The following SSUH2 variants were observed in gnomAD, a reference collection of about 807,000 sequenced individuals.
The protein encoded by SSUH2 is protein SSUH2 homolog.
A neutral mutation model predicts 55.3 loss-of-function variants in SSUH2; 47 were observed. That is an observed-to-expected ratio of 0.85 (90% confidence interval 0.67 to 1.08). The LOEUF (loss-of-function observed/expected upper bound fraction) is 1.08, where lower values mean the gene tolerates loss of function less well. Among genes scored for constraint, SSUH2 ranks in the 50% least tolerant of loss-of-function variants. SSUH2 has a pLI of 0.00. For synonymous variants in SSUH2, 212 were observed against 191.5 expected, an observed-to-expected ratio of 1.11 and a Z score of -0.89; for missense variants, 535 against 490.7, an observed-to-expected ratio of 1.09 and a Z score of -0.85.
intron 3 of SSUH2, among the ~76,000 whole-genome samples, chr3:8,673,789 T>C (rs1051791237): frequency 1.3e-5 from 2 of 152,096 alleles, no homozygotes; most frequent in African/African-American, 2.4e-5. Flanking sequence ...AGAGAGGATA[T>C]GCAAAGGCTA....
At chr3:8,681,252 A>AT (rs1705925981) in intron 1 of SSUH2, among the ~76,000 whole-genome samples, 1 of 130,308 alleles carries the variant, frequency 7.7e-6, no homozygotes. Context: ...GGGTGGGAGG[A>AT]ACCCCGTGAG....
At chr3:8,663,316 A>G (rs6804192) in intron 6 of SSUH2, among the ~76,000 whole-genome samples, 126 of 152,392 alleles carry the variant, frequency 8.3e-4, no homozygotes, top group African/African-American at 2.6e-3. Context: ...TTCTGCTACA[A>G]GGAGCCTTGG....
chr3:8,678,188 T>G (rs2124902139), intron 2 of SSUH2, among the ~76,000 whole-genome samples: 1 of 152,090 alleles, frequency 6.6e-6, no homozygotes, highest in Non-Finnish European at 1.5e-5. Context: ...TGAAGTCATA[T>G]CACCCCCTCC....
chr3:8,625,506 C>T (rs763879604), intron 10 of SSUH2, 36 bp downstream of exon 10: 1 of 1,350,848 alleles, frequency 7.4e-7, no homozygotes, highest in Non-Finnish European at 1.1e-6. Flanking sequence ...AGGAGGAACC[C>T]AGCTTCCTTT....
intron 5 of SSUH2, among the ~76,000 whole-genome samples, chr3:8,667,368 G>A (rs755875822): frequency 3.3e-5 from 5 of 152,192 alleles, no homozygotes; most frequent in South Asian, 2.1e-4. Context: ...TATAATTAGC[G>A]TATAATGAAC....
intron 4 of SSUH2, 40 bp downstream of exon 4, chr3:8,633,626 G>A (rs1575131911): frequency 2.0e-6 from 3 of 1,471,030 alleles, no homozygotes; most frequent in South Asian, 2.9e-5. Flanking sequence ...CAGCTCCCCA[G>A]CCCCCCGGCC....
chr3:8,628,320 G>A (rs1259062889), intron 7 of SSUH2, among the ~76,000 whole-genome samples: 1 of 152,182 alleles, frequency 6.6e-6, no homozygotes, highest in Non-Finnish European at 1.5e-5. Flanking sequence ...CAGGGTCAGA[G>A]CATGGCCAAA....
intron 1 of SSUH2, among the ~76,000 whole-genome samples, chr3:8,642,780 C>A (rs1231823570): frequency 1.3e-5 from 2 of 152,236 alleles, no homozygotes; most frequent in Admixed American, 1.3e-4. Flanking sequence ...CACCTCTCCC[C>A]TAAACAGGCA....
intron 5 of SSUH2, among the ~76,000 whole-genome samples, chr3:8,669,909 G>A (rs1704360782): frequency 6.6e-6 from 1 of 152,168 alleles, no homozygotes; most frequent in South Asian, 2.1e-4. Context: ...TGGGATTTGG[G>A]GAAAGAAGAA....
At chr3:8,629,382 A>G (rs771927253) in intron 7 of SSUH2, 10 of 451,520 alleles carry the variant, frequency 2.2e-5, no homozygotes, top group African/African-American at 3.9e-5. Flanking sequence ...CAGGACCTAG[A>G]GGTCAGAGCC....
chr3:8,664,194 G>A (rs1339950237), intron 5 of SSUH2, among the ~76,000 whole-genome samples: 1 of 152,212 alleles, frequency 6.6e-6, no homozygotes, highest in East Asian at 1.9e-4. Context: ...GAAGCTCCTA[G>A]AAAACGACCC....
chr3:8,680,925 G>A (rs1353120467), intron 1 of SSUH2, among the ~76,000 whole-genome samples: 1 of 151,998 alleles, frequency 6.6e-6, no homozygotes, highest in East Asian at 1.9e-4. Context: ...GACAGGCTGG[G>A]TGAACACTGC....
At chr3:8,677,167 A>C (rs569977552) in intron 3 of SSUH2, 1 of 150,958 alleles carries the variant, frequency 6.6e-6, no homozygotes, top group African/African-American at 2.5e-5. Context: ...CCCCTTGCTC[A>C]GGACGCCCAT....
intron 7 of SSUH2, among the ~76,000 whole-genome samples, chr3:8,628,268 C>T (rs372388164): frequency 6.2e-4 from 95 of 152,112 alleles, no homozygotes; most frequent in African/African-American, 2.1e-3. Context: ...ACCCAGCAGG[C>T]GAGGGATGAA....
chr3:8,632,943 G>A (rs1316710478), intron 4 of SSUH2, among the ~76,000 whole-genome samples: 1 of 152,162 alleles, frequency 6.6e-6, no homozygotes, highest in Non-Finnish European at 1.5e-5. Flanking sequence ...ATCTGAGTTT[G>A]AATCTCACCT....
chr3:8,676,856 C>T (rs537180435), intron 3 of SSUH2, among the ~76,000 whole-genome samples: 31 of 148,874 alleles, frequency 2.1e-4, no homozygotes, highest in African/African-American at 6.2e-4. Context: ...CTTAGGACCC[C>T]CATCGCAGGG....
chr3:8,677,689 C>A (rs1344989655), intron 2 of SSUH2, among the ~76,000 whole-genome samples: 1 of 150,850 alleles, frequency 6.6e-6, no homozygotes, highest in Non-Finnish European at 1.5e-5. Flanking sequence ...GACAGGGTTT[C>A]TAAAGGATTG....
intron 5 of SSUH2, among the ~76,000 whole-genome samples, chr3:8,666,941 T>C (rs1171945743): frequency 1.3e-5 from 2 of 152,218 alleles, no homozygotes; most frequent in South Asian, 2.1e-4. Flanking sequence ...ATGATACTGA[T>C]GAAGAGACTT....
Position 8,656,432 on chromosome 3 carries a change from T to G in SSUH2, c.-307+2493A>C, listed in dbSNP as rs371787344. On this transcript the variant is annotated intron_variant, in intron 7 of 18. Transcript: ENST00000317371. ...TGTGTTCCCAACCTGGCACAAAACCTGCTTATGGATTGAGCGTTCCAATTC... is the reference window on the plus strand; with the variant it reads ...TGTGTTCCCAACCTGGCACAAAACCGGCTTATGGATTGAGCGTTCCAATTC... Among the ~76,000 whole-genome samples the G allele has an allele frequency of 3.9e-5, 6 of 152,226 alleles. No individual in the cohort carries two copies. The East Asian group carries it at 1.2e-3, about 29-fold the overall frequency.
Sources: allele counts gnomAD v4.1 joint callset (sites outside exome capture counted in the v4.1 genomes callset), GRCh38; gene constraint gnomAD v4.1.1; transcripts MANE v1.5; gene names NCBI Gene and HGNC (gene_info 2026-07-23, HGNC 2026-07-21).